The following SHANK2 variants were observed in gnomAD, a reference collection of about 807,000 sequenced individuals.
The protein encoded by SHANK2 is SH3 and multiple ankyrin repeat domains protein 2.
In SHANK2, 43 loss-of-function variants were observed where a neutral mutation model predicts 133.7. The ratio of observed to expected loss-of-function variants is 0.32; its 90% CI spans 0.25 to 0.41. SHANK2 has a LOEUF of 0.41. SHANK2 is among the 10% of genes least tolerant of loss of function. The probability of loss-of-function intolerance (pLI) is 1.00; values close to 1 mark genes in which losing one functional copy is unlikely to be tolerated. For synonymous variants in SHANK2, 1,017 were observed against 952.8 expected, an observed-to-expected ratio of 1.07 and a Z score of -1.24; for missense variants, 1,994 against 2,235.8, an observed-to-expected ratio of 0.89 and a Z score of 2.18.
chr11:70,802,087 C>T (rs540063842), intron 13 of SHANK2, among the ~76,000 whole-genome samples: 1 of 152,276 alleles, frequency 6.6e-6, no homozygotes, highest in Admixed American at 6.5e-5. Flanking sequence ...GAAGGCACTG[C>T]ACCCAGGGCA....
intron 14 of SHANK2, among the ~76,000 whole-genome samples, chr11:70,746,619 C>T (rs1434898955): frequency 1.3e-5 from 2 of 152,192 alleles, no homozygotes; most frequent in Non-Finnish European, 2.9e-5. Flanking sequence ...GTGCTCACAG[C>T]CCCCATCTCC....
At chr11:70,821,046 C>T (rs1396901679) in intron 11 of SHANK2, among the ~76,000 whole-genome samples, 1 of 152,218 alleles carries the variant, frequency 6.6e-6, no homozygotes, top group Non-Finnish European at 1.5e-5. Flanking sequence ...GGGCACTGAG[C>T]TGCCTGCCGC....
rs1565541804 is a variant in SHANK2, at chr11:70,500,941, C to T, written c.2288-351G>A. 6.6e-6 allele frequency among the ~76,000 whole-genome samples: 1 copy of T among 152,218 alleles called. No homozygotes were observed. The highest frequency in any genetic ancestry group is 1.5e-5 in the Non-Finnish European group (1 of 68,028). ...ACATGAGCAGAGGTGGCGGGGCCAG[C>T]CTTTAGAGTGCACCTGTGGCCTTTC... On this transcript the variant is annotated intron_variant, in intron 20 of 25. Transcript: ENST00000601538. The surrounding 1 kb of genome is among the most constrained non-coding windows in gnomAD (Gnocchi z 4.5).
At chr11:71,062,996 C>CAA (rs1169050698) in intron 9 of SHANK2, among the ~76,000 whole-genome samples, 1,642 of 69,690 alleles carry the variant, frequency 0.024, 113 homozygotes, top group African/African-American at 0.085. Context: ...GACCCTGTCT[C>CAA]AAAAAAAAAA....
At chr11:70,490,163 G>A in intron 23 of SHANK2, 113 bp downstream of exon 23, 1 of 871,612 alleles carries the variant, frequency 1.1e-6, no homozygotes. Context: ...GCCTTGCTGG[G>A]GTGGGACGCC....
chr11:71,136,716 A>C (rs1302400760), intron 3 of SHANK2, among the ~76,000 whole-genome samples: 1 of 152,214 alleles, frequency 6.6e-6, no homozygotes, highest in Non-Finnish European at 1.5e-5. Flanking sequence ...AAATCCACAC[A>C]GACAGAAAGT....
At position 71,066,435 on chromosome 11, in the gene SHANK2, G is replaced by C. The variant is rs951074461; in HGVS notation, c.1029+8724C>G. 2.6e-5 allele frequency among the ~76,000 whole-genome samples: 4 copies of C among 152,106 alleles called. No individual in the cohort carries two copies. In the East Asian group the frequency reaches 5.8e-4, roughly 22 times the overall value. Reference sequence around the variant, plus strand: ...GGTCCGTGAAGCCAAGGAACTTCTGGAGACAGAAGTGGGTGGAGTGTCTTC... The same window carrying C: ...GGTCCGTGAAGCCAAGGAACTTCTGCAGACAGAAGTGGGTGGAGTGTCTTC... On this transcript the variant is annotated intron_variant, in intron 9 of 25. Coordinates refer to ENST00000601538, the MANE Select transcript of SHANK2 (RefSeq NM_012309.5).
intron 3 of SHANK2, among the ~76,000 whole-genome samples, chr11:71,133,346 A>AGGGCTGGCTGGC (rs1952362851): frequency 8.9e-6 from 1 of 111,890 alleles, no homozygotes; most frequent in Non-Finnish European, 1.8e-5. Context: ...GGGAGGATGC[A>AGGGCTGGCTGGC]TGGCTGGCTG....
intron 17 of SHANK2, among the ~76,000 whole-genome samples, chr11:70,598,391 C>T (rs1554989998): frequency 3.3e-5 from 5 of 152,210 alleles, no homozygotes. Context: ...AAAATAAAAA[C>T]TCGAAGAGTT....
chr11:70,822,648 T>A (rs35680574), intron 11 of SHANK2, among the ~76,000 whole-genome samples: 1 of 97,518 alleles, frequency 1.0e-5, no homozygotes, highest in South Asian at 3.9e-4. Flanking sequence ...GCAGAGCTCA[T>A]GGGGGACAGA....
chr11:70,867,244 G>T (rs1949379378), intron 11 of SHANK2, among the ~76,000 whole-genome samples: 1 of 152,190 alleles, frequency 6.6e-6, no homozygotes. Flanking sequence ...CCGGGTAGGG[G>T]TAGGTGGAGG....
intron 14 of SHANK2, among the ~76,000 whole-genome samples, chr11:70,753,827 T>TGTGTGTGTGTGTGTGTGTGTGTGTG (rs1555038016): frequency 2.6e-5 from 4 of 151,678 alleles, no homozygotes; most frequent in South Asian, 2.1e-4. Flanking sequence ...TGTGTGTGTG[T>TGTGTGTGTGTGTGTGTGTGTGTGTG]TTGAGACAGA....
At chr11:70,690,488 GTT>G (rs35737323) in intron 15 of SHANK2, among the ~76,000 whole-genome samples, 1 of 32,814 alleles carries the variant, frequency 3.0e-5, no homozygotes, top group African/African-American at 1.2e-4. Context: ...TACTTCCCAT[GTT>G]TTTTTTTTTT....
intron 11 of SHANK2, among the ~76,000 whole-genome samples, chr11:70,875,524 AAACAACAAC>A (rs71049946): frequency 1.6e-4 from 23 of 146,566 alleles, no homozygotes; most frequent in East Asian, 6.3e-4. Context: ...ACTCCGTCTC[AAACAACAAC>A]AACAACAACA....
intron 11 of SHANK2, among the ~76,000 whole-genome samples, chr11:70,844,738 G>A (rs1440975152): frequency 5.3e-5 from 8 of 152,134 alleles, no homozygotes; most frequent in African/African-American, 1.9e-4. Context: ...ACATTTTCAC[G>A]CAGGTGGCAC....
intron 15 of SHANK2, among the ~76,000 whole-genome samples, chr11:70,683,162 G>A (rs1440711652): frequency 6.6e-6 from 1 of 152,012 alleles, no homozygotes; most frequent in Admixed American, 6.6e-5. Context: ...TTTATTTTTA[G>A]AGATGGGATC....
intron 17 of SHANK2, among the ~76,000 whole-genome samples, chr11:70,625,810 G>GAAA (rs34147403): frequency 2.9e-4 from 12 of 41,392 alleles, no homozygotes; most frequent in African/African-American, 4.4e-4. Context: ...GTGCAAAAAT[G>GAAA]AAAAAAAAAA....
chr11:70,665,588 T>C (rs782097415), intron 15 of SHANK2, among the ~76,000 whole-genome samples: 1 of 152,220 alleles, frequency 6.6e-6, no homozygotes, highest in Non-Finnish European at 1.5e-5. Context: ...CTTTCCGGCA[T>C]TGTTTCAGGA....
intron 9 of SHANK2, among the ~76,000 whole-genome samples, chr11:71,063,949 C>CCAA: frequency 6.6e-6 from 1 of 152,152 alleles, no homozygotes; most frequent in East Asian, 1.9e-4. Flanking sequence ...CCCCCAGACC[C>CCAA]CATCATTTCC....
Sources: allele counts gnomAD v4.1 joint callset (sites outside exome capture counted in the v4.1 genomes callset), GRCh38; gene constraint gnomAD v4.1.1; non-coding constraint Gnocchi (gnomAD v3.1); transcripts MANE v1.5; gene names NCBI Gene and HGNC (gene_info 2026-07-23, HGNC 2026-07-21).